Variants in C11orf65 observed in about 807,000 individuals in gnomAD.
C11orf65 encodes protein MFI.
A neutral mutation model predicts 35.3 loss-of-function variants in C11orf65; 38 were observed. The ratio of observed to expected loss-of-function variants is 1.08; its 90% CI spans 0.83 to 1.41. The LOEUF is 1.41. Ranked by LOEUF, C11orf65 falls within the 40% of genes most tolerant of loss-of-function variation. The pLI, the probability that C11orf65 is intolerant of heterozygous loss-of-function variation, is 0.00. For synonymous variants in C11orf65, 105 were observed against 114.4 expected, an observed-to-expected ratio of 0.92 and a Z score of 0.53; for missense variants, 370 against 367.1, an observed-to-expected ratio of 1.01 and a Z score of -0.06.
chr11:108,382,892 C>T lies in C11orf65; in HGVS notation c.*129G>A, dbSNP rs1345421258. 4 of 1,532,612 alleles carry T rather than the reference C, an allele frequency of 2.6e-6. No individual in the cohort carries two copies. In the African/African-American group the frequency reaches 4.2e-5, roughly 16 times the overall value. The allele number at this position is 1,532,612 out of a possible 1,614,324, so 94.9% of individuals were successfully genotyped here. On this transcript the variant is annotated 3_prime_UTR_variant, in exon 9 of 9. Coordinates refer to ENST00000393084, the MANE Select transcript of C11orf65 (RefSeq NM_152587.5). Reference sequence around the variant, plus strand: ...TTCTATTTCTGCTCAATCTTCCTTACTTAACTGAGCTAGATTCTGTGCCCA... The same window carrying T: ...TTCTATTTCTGCTCAATCTTCCTTATTTAACTGAGCTAGATTCTGTGCCCA...
At chr11:108,394,400 A>G (rs2092255879) in intron 6 of C11orf65, among the ~76,000 whole-genome samples, 1 of 152,136 alleles carries the variant, frequency 6.6e-6, no homozygotes, top group Non-Finnish European at 1.5e-5. Context: ...CCTCATCTCA[A>G]TTAATAATTT....
intron 6 of C11orf65, among the ~76,000 whole-genome samples, chr11:108,322,305 G>A (rs1186903263): frequency 2.0e-5 from 3 of 151,860 alleles, no homozygotes; most frequent in East Asian, 1.9e-4. Context: ...TAGGTGCCCC[G>A]ACAATGCCTG....
At chr11:108,408,901 C>A (rs911941294) in intron 3 of C11orf65, among the ~76,000 whole-genome samples, 1 of 151,810 alleles carries the variant, frequency 6.6e-6, no homozygotes, top group Non-Finnish European at 1.5e-5. Context: ...CCTATAGAGT[C>A]TTAAAGACAA....
intron 2 of C11orf65, chr11:108,368,894 T>C (rs754664818): frequency 1.0e-5 from 2 of 199,592 alleles, no homozygotes; most frequent in Non-Finnish European, 1.0e-5. Context: ...AGGAAAAACT[T>C]TGGACAGCGT....
At chr11:108,405,627 CA>C in intron 5 of C11orf65, 68 bp from the exon 6 acceptor site, 2 of 1,489,624 alleles carry the variant, frequency 1.3e-6, no homozygotes, top group Non-Finnish European at 1.9e-6. Flanking sequence ...TGGCAATAGA[CA>C]AGAACTTCTA....
At chr11:108,334,788 AAC>A (rs2086648112) in intron 3 of C11orf65, among the ~76,000 whole-genome samples, 2 of 152,198 alleles carry the variant, frequency 1.3e-5, no homozygotes, top group African/African-American at 4.8e-5. Flanking sequence ...TCTTTGATGA[AAC>A]AGTAGTTAAA....
chr11:108,325,420 C>T lies in C11orf65; in HGVS notation c.641-16349G>A, dbSNP rs2085565666. The T allele has an allele frequency of 1.2e-6, 2 of 1,613,690 alleles. No homozygotes were observed. Among genetic ancestry groups the T allele is most frequent in the East Asian group, 4.5e-5 (2 of 44,844 alleles). ...CAGGAGCCTATCATGGCTCTACGCA[C>T]AGTCATTTTGGAGATCCTGATGGAA... is the stretch of plus-strand genomic sequence containing the variant. On this transcript the variant is annotated intron_variant, in intron 6 of 6. Coordinates refer to the C11orf65 transcript ENST00000525729.
chr11:108,343,936 C>G (rs937481953), intron 2 of C11orf65, among the ~76,000 whole-genome samples: 1 of 152,190 alleles, frequency 6.6e-6, no homozygotes, highest in African/African-American at 2.4e-5. Flanking sequence ...TGTATGTTTT[C>G]TGTCTACCAG....
downstream of C11orf65, chr11:108,329,456 G>A (rs947472581): frequency 7.2e-6 from 4 of 554,362 alleles, no homozygotes; most frequent in Non-Finnish European, 1.3e-5. Context: ...ACCCAGGCTG[G>A]AGTACAGTGG....
At chr11:108,383,535 T>G (rs975434095) in intron 8 of C11orf65, among the ~76,000 whole-genome samples, 1 of 152,244 alleles carries the variant, frequency 6.6e-6, no homozygotes, top group African/African-American at 2.4e-5. Context: ...TGACAGTGCA[T>G]GTAAAGAACT....
chr11:108,463,395 G>C (rs1415235396), intron 1 of C11orf65, among the ~76,000 whole-genome samples: 2 of 151,986 alleles, frequency 1.3e-5, no homozygotes, highest in African/African-American at 4.8e-5. Flanking sequence ...TCCTAATTTG[G>C]TAAATTGTTG....
chr11:108,379,277 C>CA (rs2091810559), downstream of C11orf65, among the ~76,000 whole-genome samples: 1 of 152,108 alleles, frequency 6.6e-6, no homozygotes, highest in South Asian at 2.1e-4. Context: ...CACATATATA[C>CA]CATGGAATAC....
At chr11:108,320,271 A>G (rs1412494538) in intron 6 of C11orf65, among the ~76,000 whole-genome samples, 3 of 152,184 alleles carry the variant, frequency 2.0e-5, no homozygotes, top group African/African-American at 7.2e-5. Context: ...TGACCCTTCA[A>G]GAAAGTTTTG....
chr11:108,396,529 C>T (rs2138484211), intron 6 of C11orf65, among the ~76,000 whole-genome samples: 1 of 151,994 alleles, frequency 6.6e-6, no homozygotes, highest in Non-Finnish European at 1.5e-5. Flanking sequence ...AGGTTTTGAA[C>T]TCTTTTAAAA....
intron 3 of C11orf65, among the ~76,000 whole-genome samples, chr11:108,418,224 G>C (rs2092768023): frequency 6.6e-6 from 1 of 152,070 alleles, no homozygotes; most frequent in South Asian, 2.1e-4. Context: ...TAAGGCTATA[G>C]AAGATTTGAT....
intron 2 of C11orf65, among the ~76,000 whole-genome samples, chr11:108,453,053 G>A (rs1258997667): frequency 2.0e-5 from 3 of 149,718 alleles, no homozygotes; most frequent in African/African-American, 7.4e-5. Flanking sequence ...TAATGTAAAC[G>A]ATGAGTTAAT....
chr11:108,324,646 A>C (rs921381833), intron 6 of C11orf65, among the ~76,000 whole-genome samples: 2 of 152,128 alleles, frequency 1.3e-5, no homozygotes, highest in Admixed American at 6.5e-5. Context: ...TTCATTTCTT[A>C]GTCATCACTT....
At chr11:108,334,184 C>T (rs984626213) in intron 3 of C11orf65, among the ~76,000 whole-genome samples, 5 of 150,252 alleles carry the variant, frequency 3.3e-5, no homozygotes, top group Non-Finnish European at 7.4e-5. Context: ...TTCTGTTCTA[C>T]ACCTCCCATC....
chr11:108,317,652 T>TAGACAC (rs1399501257), intron 6 of C11orf65: 1 of 117,468 alleles, frequency 8.5e-6, no homozygotes, highest in African/African-American at 5.1e-5. Flanking sequence ...TATATATATA[T>TAGACAC]ACACACACAC....
Sources: allele counts gnomAD v4.1 joint callset (sites outside exome capture counted in the v4.1 genomes callset), GRCh38; gene constraint gnomAD v4.1.1; transcripts MANE v1.5; gene names NCBI Gene and HGNC (gene_info 2026-07-23, HGNC 2026-07-21).